The following TCERG1L variants were observed in gnomAD, a reference collection of about 807,000 sequenced individuals.
TCERG1L encodes transcription elongation regulator 1 like, also known as transcription elongation regulator 1-like protein.
Under a neutral mutation model 56.3 loss-of-function variants are expected in TCERG1L, and 37 were observed. That is an observed-to-expected ratio of 0.66 (90% CI 0.51 to 0.87). TCERG1L has a LOEUF of 0.87. Ranked by LOEUF, TCERG1L falls within the 40% of genes least tolerant of loss-of-function variation. The pLI is 0.00. For synonymous variants in TCERG1L, 324 were observed against 326.3 expected (o/e 0.99, Z 0.08); for missense variants, 799 against 774.2 (o/e 1.03, Z -0.38).
chr10:131,288,218 C>A (rs142872082), intron 3 of TCERG1L, among the ~76,000 whole-genome samples: 3 of 152,144 alleles, frequency 2.0e-5, no homozygotes, highest in Admixed American at 6.5e-5. Flanking sequence ...GTTTCTCCCC[C>A]CAACTCTCTA....
intron 8 of TCERG1L, among the ~76,000 whole-genome samples, chr10:131,131,644 T>G (rs781511203): frequency 2.0e-5 from 3 of 152,194 alleles, no homozygotes; most frequent in Non-Finnish European, 4.4e-5. Context: ...CACAATCGAT[T>G]TAATTCCATC....
At chr10:131,229,883 C>A (rs1380767406) in intron 4 of TCERG1L, among the ~76,000 whole-genome samples, 2 of 152,232 alleles carry the variant, frequency 1.3e-5, no homozygotes, top group Middle Eastern at 3.4e-3. Context: ...GGGTGAGTAA[C>A]CTTCTGAACG....
chr10:131,149,530 G>C (rs1845840630), intron 6 of TCERG1L, among the ~76,000 whole-genome samples: 1 of 152,222 alleles, frequency 6.6e-6, no homozygotes. Context: ...GCTACTATAT[G>C]AACTCTGCAG....
intron 4 of TCERG1L, among the ~76,000 whole-genome samples, chr10:131,221,447 T>G (rs1845730970): frequency 6.6e-6 from 1 of 152,152 alleles, no homozygotes; most frequent in Non-Finnish European, 1.5e-5. Context: ...CAGCACCCTC[T>G]CCCAGGAAAC....
chr10:131,212,053 G>A (rs1399946318), intron 4 of TCERG1L, among the ~76,000 whole-genome samples: 1 of 152,160 alleles, frequency 6.6e-6, no homozygotes, highest in East Asian at 1.9e-4. Context: ...ACTCAACTGT[G>A]CTATGGGGCC....
chr10:131,154,260 C>A lies in TCERG1L; in HGVS notation c.1035-7600G>T, dbSNP rs138342363. Reference sequence around the variant, plus strand: ...GAAGGTCTGGGTTTCATTGAATGAACACTGGGGTTGTTGCTTTGTTGTATG... The same window carrying A: ...GAAGGTCTGGGTTTCATTGAATGAAAACTGGGGTTGTTGCTTTGTTGTATG... On this transcript the variant is annotated intron_variant, in intron 6 of 11. Coordinates refer to ENST00000368642, the MANE Select transcript of TCERG1L (RefSeq NM_174937.4). Among the ~76,000 whole-genome samples the A allele has an allele frequency of 5.3e-5, 8 of 152,256 alleles. No homozygotes were observed. The East Asian group carries it at 1.6e-3, about 30-fold the overall frequency.
intron 4 of TCERG1L, among the ~76,000 whole-genome samples, chr10:131,205,594 G>C (rs1845512692): frequency 6.6e-6 from 1 of 152,136 alleles, no homozygotes; most frequent in Admixed American, 6.5e-5. Context: ...TGCAGCCCTG[G>C]GGACGTGGAG....
chr10:131,171,812 C>A (rs1467778175), intron 4 of TCERG1L, among the ~76,000 whole-genome samples: 1 of 152,208 alleles, frequency 6.6e-6, no homozygotes. Context: ...CTCAGGTGAT[C>A]CTCCTGCCTC....
chr10:131,252,560 G>A (rs778264029), intron 4 of TCERG1L, among the ~76,000 whole-genome samples: 7 of 152,074 alleles, frequency 4.6e-5, no homozygotes, highest in Non-Finnish European at 1.0e-4. Flanking sequence ...TGCACCAAAC[G>A]CGTCTATTTG....
chr10:131,116,624 G>A (rs149817402), intron 9 of TCERG1L, among the ~76,000 whole-genome samples, 175 bp downstream of exon 9: 1,934 of 152,264 alleles, frequency 0.013, 53 homozygotes, highest in Non-Finnish European at 0.012. Context: ...CTGGGATGGC[G>A]ACTCAGCCTG....
intron 8 of TCERG1L, among the ~76,000 whole-genome samples, chr10:131,120,817 G>C: frequency 6.6e-6 from 1 of 152,282 alleles, no homozygotes; most frequent in East Asian, 1.9e-4. Context: ...TCGACCTCTC[G>C]GAGCGACCCC....
intron 4 of TCERG1L, among the ~76,000 whole-genome samples, chr10:131,216,193 G>A (rs536784749): frequency 2.0e-5 from 3 of 152,326 alleles, no homozygotes; most frequent in Admixed American, 2.0e-4. Context: ...GTTGGAGATG[G>A]AGAAATAGAA....
At chr10:131,163,614 C>T (rs1358738470) in intron 5 of TCERG1L, among the ~76,000 whole-genome samples, 7 of 152,180 alleles carry the variant, frequency 4.6e-5, no homozygotes, top group Admixed American at 3.9e-4. Flanking sequence ...CATTTAGTGG[C>T]AGAGAGCCTC....
At chr10:131,212,808 C>A (rs1845631956) in intron 4 of TCERG1L, among the ~76,000 whole-genome samples, 1 of 152,190 alleles carries the variant, frequency 6.6e-6, no homozygotes, top group African/African-American at 2.4e-5. Flanking sequence ...GAGAGGAAAA[C>A]AGCCAAGGCA....
intron 9 of TCERG1L, among the ~76,000 whole-genome samples, chr10:131,104,810 T>G (rs1764578408): frequency 6.6e-6 from 1 of 152,240 alleles, no homozygotes; most frequent in Admixed American, 6.5e-5. Flanking sequence ...TAAATTATTT[T>G]GTTTGCAATA....
chr10:131,128,750 A>G (rs754959335), intron 8 of TCERG1L, among the ~76,000 whole-genome samples: 33 of 152,212 alleles, frequency 2.2e-4, no homozygotes, highest in Non-Finnish European at 3.2e-4. Flanking sequence ...GAATTAAGAG[A>G]TTAGCACTTA....
chr10:131,216,730 A>ATC (rs1042718165), intron 4 of TCERG1L, among the ~76,000 whole-genome samples: 1 of 152,184 alleles, frequency 6.6e-6, no homozygotes, highest in Non-Finnish European at 1.5e-5. Flanking sequence ...GTGGGCAAAT[A>ATC]GATATTGGTG....
At chr10:131,226,682 T>C (rs1315542538) in intron 4 of TCERG1L, among the ~76,000 whole-genome samples, 1 of 152,164 alleles carries the variant, frequency 6.6e-6, no homozygotes, top group Non-Finnish European at 1.5e-5. Flanking sequence ...TGAAAGACAT[T>C]CAAGGTAAAT....
chr10:131,232,107 A>G (rs556787918), intron 4 of TCERG1L, among the ~76,000 whole-genome samples: 1 of 152,336 alleles, frequency 6.6e-6, no homozygotes, highest in Non-Finnish European at 1.5e-5. Flanking sequence ...CCTTGTGCTC[A>G]GGGCCAGTGG....
Sources: allele counts gnomAD v4.1 joint callset (sites outside exome capture counted in the v4.1 genomes callset), GRCh38; gene constraint gnomAD v4.1.1; transcripts MANE v1.5; gene names NCBI Gene and HGNC (gene_info 2026-07-23, HGNC 2026-07-21).